Variants in MMAB observed in about 807,000 individuals in gnomAD.
The protein encoded by MMAB is metabolism of cobalamin associated B.
Under a neutral mutation model 30.6 loss-of-function variants are expected in MMAB, and 17 were observed. The ratio of observed to expected loss-of-function variants is 0.56; its 90% confidence interval spans 0.38 to 0.83. The LOEUF (loss-of-function observed/expected upper bound fraction) is 0.83, where lower values mean the gene tolerates loss of function less well. Ranked by LOEUF, MMAB falls within the 40% of genes least tolerant of loss-of-function variation. The probability of loss-of-function intolerance (pLI) is 0.00; values close to 1 mark genes in which losing one functional copy is unlikely to be tolerated. For synonymous variants in MMAB, 134 were observed against 138.6 expected (o/e 0.97, Z 0.23); for missense variants, 311 against 331.6 (o/e 0.94, Z 0.48).
chr12:109,572,567 C>T (rs997112800), intron 1 of MMAB, among the ~76,000 whole-genome samples: 1 of 151,934 alleles, frequency 6.6e-6, no homozygotes, highest in African/African-American at 2.4e-5. Flanking sequence ...TTATTTTGTT[C>T]ACAGACAGGG....
At chr12:109,566,087 T>C (rs1003271802) in intron 3 of MMAB, among the ~76,000 whole-genome samples, 8 of 152,120 alleles carry the variant, frequency 5.3e-5, no homozygotes, top group Non-Finnish European at 1.0e-4. Flanking sequence ...GGGAGCTGAA[T>C]TCTGGAGTCA....
rs761438832 is a variant in MMAB, at chr12:109,569,475, A to T, written c.197-612T>A. Among the ~76,000 whole-genome samples, 1 of 152,226 alleles carries T rather than the reference A, an allele frequency of 6.6e-6. No individual in the cohort carries two copies. Among genetic ancestry groups the T allele is most frequent in the Admixed American group, 6.5e-5 (1 of 15,278 alleles). On this transcript the variant is annotated intron_variant, in intron 2 of 8. Coordinates refer to ENST00000545712, the MANE Select transcript of MMAB (RefSeq NM_052845.4). The surrounding 1 kb of genome is among the most constrained non-coding windows in gnomAD (Gnocchi z 4.1). The stretch of plus-strand genomic sequence containing the variant: ...TCTTTCCTGATGTGCTTTTCAACTT[A>T]AAAACCACATACTAACCATCCTGAT...
At chr12:109,563,683 C>T (rs140302606) in intron 4 of MMAB, among the ~76,000 whole-genome samples, 69 of 152,334 alleles carry the variant, frequency 4.5e-4, no homozygotes, top group African/African-American at 1.3e-3. Flanking sequence ...CCGCTGCTAC[C>T]GCGGCTCCTC....
chr12:109,568,806 G>A lies in MMAB; in HGVS notation c.254C>T (p.Ala85Val), dbSNP rs770743560. The A allele has an allele frequency of 7.4e-6, 12 of 1,614,092 alleles. No individual in the cohort carries two copies. The highest frequency in any genetic ancestry group is 8.5e-7 in the Non-Finnish European group (1 of 1,179,962). Residue 85 changes from alanine to valine, a missense_variant, in exon 3 of 9, where the codon GCC becomes GTC. Ala to Val is a moderately conservative substitution (Grantham distance 64, BLOSUM62 0). Transcript: ENST00000545712. ...ACTTAATTCATCTGTAGTTCCCACG[G>A]CTTCAAACACTTGGTCATCTTTGGG... is the stretch of plus-strand genomic sequence containing the variant. Reference protein sequence around the residue: ...RRPKDDQVFEAVGTTDELSSA... With the variant: ...RRPKDDQVFEVVGTTDELSSA...
intron 7 of MMAB, 32 bp downstream of exon 7, chr12:109,560,991 GTTCCTCTCCCTCTCCCT>G: frequency 1.5e-6 from 1 of 652,346 alleles, no homozygotes; most frequent in Non-Finnish European, 2.6e-6. Flanking sequence ...CCTCCCCCTT[GTTCCTCTCCCTCTCCCT>G]TGGGCCCTCT....
intron 3 of MMAB, among the ~76,000 whole-genome samples, chr12:109,567,623 T>A (rs900802605): frequency 6.6e-6 from 1 of 152,128 alleles, no homozygotes; most frequent in South Asian, 2.1e-4. Context: ...ATGGAAGGCA[T>A]CATTCCCAAG....
At chr12:109,564,073 C>T (rs943294281) in intron 4 of MMAB, among the ~76,000 whole-genome samples, 2 of 152,238 alleles carry the variant, frequency 1.3e-5, no homozygotes, top group African/African-American at 4.8e-5. Flanking sequence ...CCCTCTGCAT[C>T]GGGCATGAGC....
rs180973659 is a variant in MMAB at position 109,571,926 on chromosome 12, G to T, written c.135-216C>A. 9.6e-4 allele frequency among the ~76,000 whole-genome samples: 146 copies of T among 152,324 alleles called. 1 individual carries two copies. The highest frequency in any genetic ancestry group is 3.4e-3 in the African/African-American group (140 of 41,562). On this transcript the variant is annotated intron_variant, in intron 1 of 8. Transcript: ENST00000545712. ...CCAGAGCTGGATGACAGAGTGTGTA[G>T]AGTAGCTGATGTAATGCCTTGCTCA...
chr12:109,557,218 A>G, intron 8 of MMAB, 82 bp from the exon 9 acceptor site: 1 of 951,340 alleles, frequency 1.1e-6, no homozygotes, highest in Non-Finnish European at 1.7e-6. Context: ...ATATCCGCCT[A>G]CAAGGAGGAG....
At chr12:109,567,347 G>C (rs1322335770) in intron 3 of MMAB, among the ~76,000 whole-genome samples, 1 of 152,194 alleles carries the variant, frequency 6.6e-6, no homozygotes, top group East Asian at 1.9e-4. Flanking sequence ...GAGGCCACGT[G>C]ATTTACCTGA....
At position 109,561,305 on chromosome 12, in the gene MMAB, G is replaced by C. The variant is rs1303288460; in HGVS notation, c.519+115C>G. ...ACCGGTGAGGACCTGGAGGGACTTG[G>C]GGAACTGGAGGACAGCGTCTGTCAC... On this transcript the variant is annotated intron_variant, in intron 6 of 8. Coordinates refer to ENST00000545712, the MANE Select transcript of MMAB (RefSeq NM_052845.4). The surrounding 1 kb of genome is among the most constrained non-coding windows in gnomAD (Gnocchi z 5.3). 6.4e-7 allele frequency: 1 copy of C among 1,556,244 alleles called. No homozygotes were observed. The highest frequency in any genetic ancestry group is 8.6e-7 in the Non-Finnish European group (1 of 1,158,160).
Position 109,571,717 on chromosome 12 carries a change from A to T in MMAB, c.135-7T>A, listed in dbSNP as rs1884634019. The T allele has an allele frequency of 6.2e-7, 1 of 1,613,542 alleles. No individual in the cohort carries two copies. The highest frequency in any genetic ancestry group is 8.5e-7 in the Non-Finnish European group (1 of 1,179,566). ...CTTCGAGGAAGGCTGTGGCCTAATG[A>T]GAAATAAACATCAGTATCTGGTGAG... On this transcript the variant is annotated splice_polypyrimidine_tract_variant and splice_region_variant and intron_variant, in intron 1 of 8. Transcript: ENST00000545712.
intron 4 of MMAB, chr12:109,564,697 G>A: frequency 3.5e-6 from 1 of 285,914 alleles, no homozygotes; most frequent in South Asian, 3.9e-5. Flanking sequence ...TGCTCGGCCT[G>A]AGACAGGGTC....
chr12:109,557,015 A>C lies in MMAB; in HGVS notation c.*13T>G. 6.4e-7 allele frequency: 1 copy of C among 1,563,354 alleles called. No individual in the cohort carries two copies. Among genetic ancestry groups the C allele is most frequent in the Non-Finnish European group, 8.8e-7 (1 of 1,134,294 alleles). On this transcript the variant is annotated 3_prime_UTR_variant, in exon 9 of 9. Transcript: ENST00000545712. ...CCATGGAGGGATCCTCCAAGCTCCC[A>C]CTTTCTGTGATTTCAGAGTCCCTCA...
rs7971853 is a variant in MMAB at position 109,561,718 on chromosome 12, G to T, written c.421+62C>A. ...CTGGGGGCCTGGGATCCCAGATGGTGACCCTAGGAGAGTCCCCTGACCCTA... is the reference window on the plus strand; with the variant it reads ...CTGGGGGCCTGGGATCCCAGATGGTTACCCTAGGAGAGTCCCCTGACCCTA... On this transcript the variant is annotated intron_variant, in intron 5 of 8. Coordinates refer to ENST00000545712, the MANE Select transcript of MMAB (RefSeq NM_052845.4). This position sits in a 1 kb window ranked among gnomAD's most constrained non-coding sequence, Gnocchi z 5.3. 0.048 allele frequency: 71,543 copies of T among 1,475,552 alleles called. 2,296 individuals are homozygous for T. The highest frequency in any genetic ancestry group is 0.059 in the Middle Eastern group (346 of 5,856). The allele number at this position is 1,475,552 out of a possible 1,614,324, so 91.4% of individuals were successfully genotyped here. A position where few individuals can be genotyped will look rare whatever the true frequency, so the allele number is the denominator to read the frequency against.
rs1184367667 is a variant in MMAB at position 109,568,822 on chromosome 12, C to G, written c.238G>C (p.Asp80His). 6.8e-6 allele frequency: 11 copies of G among 1,614,172 alleles called. No individual in the cohort carries two copies. Among genetic ancestry groups the G allele is most frequent in the Non-Finnish European group, 9.3e-6 (11 of 1,180,002 alleles). ...GTTCCCACGGCTTCAAACACTTGGT[C>G]ATCTTTGGGTCTCCTTTCTCCTGTG... ...TFTGERRPKDDQVFEAVGTTD... is the reference protein window; with the variant it reads ...TFTGERRPKDHQVFEAVGTTD... The change falls in exon 3 of 9, where the codon GAC becomes CAC. Residue 80 changes from aspartate (D) to histidine (H), a missense_variant. Asp to His is a moderately conservative substitution (Grantham distance 81). Transcript: ENST00000545712.
chr12:109,573,223 A>G (rs1884721418), intron 1 of MMAB, 124 bp downstream of exon 1: 2 of 1,338,042 alleles, frequency 1.5e-6, no homozygotes, highest in Non-Finnish European at 2.1e-6. Flanking sequence ...TGGTGACGTC[A>G]GAACAGCGTG....
chr12:109,559,651 C>T (rs1365486623), intron 7 of MMAB, among the ~76,000 whole-genome samples: 4 of 152,248 alleles, frequency 2.6e-5, no homozygotes, highest in South Asian at 2.1e-4. Context: ...GGGGTCCATG[C>T]CAGTCTATTT....
In MMAB at chr12:109,554,173, A is replaced by G. The variant is rs1248819104; in HGVS notation, c.*2855T>C. The G allele has an allele frequency of 1.3e-5, 6 of 453,320 alleles. No individual in the cohort carries two copies. The highest frequency in any genetic ancestry group is 1.2e-4 in the African/African-American group (6 of 49,994). 28.1% of individuals were successfully genotyped at this position (453,320 alleles called of 1,614,324 possible). A position where few individuals can be genotyped will look rare whatever the true frequency, so the allele number is the denominator to read the frequency against. On this transcript the variant is annotated 3_prime_UTR_variant, in exon 9 of 9. Transcript: ENST00000545712. ...CACATCTTGGCACTGACTCCCCAGG[A>G]CAACTTGGTTCCCCACCCAATGCCT...
Sources: gnomAD v4.1 joint callset for allele counts (sites outside exome capture counted in the v4.1 genomes callset) on GRCh38, gnomAD v4.1.1 for gene constraint, Gnocchi (gnomAD v3.1) non-coding constraint, MANE v1.5 for transcripts, NCBI Gene and HGNC (gene_info 2026-07-23, HGNC 2026-07-21) for gene names.